The following CDH26 variants were observed in gnomAD, a reference collection of about 807,000 sequenced individuals.
CDH26 encodes the protein cadherin 26.
Under a neutral mutation model 90.3 loss-of-function variants are expected in CDH26, and 83 were observed. The observed-to-expected ratio is 0.92, with a 90% CI of 0.77 to 1.10. The LOEUF is 1.10. Ranked by LOEUF, CDH26 falls within the 50% of genes least tolerant of loss-of-function variation. CDH26 has a pLI of 0.00. For missense variants in CDH26, 1,013 were observed against 1,037.6 expected (o/e 0.98, Z 0.33); for synonymous variants, 397 against 396.3 (o/e 1.00, Z -0.02).
chr20:59,963,963 G>C (rs1450974041), intron 1 of CDH26, among the ~76,000 whole-genome samples: 1 of 152,020 alleles, frequency 6.6e-6, no homozygotes, highest in Admixed American at 6.6e-5. Context: ...AGGACTCGTC[G>C]GCTCTCAGAA....
In CDH26 at chr20:60,001,335, C is replaced by A; in HGVS notation, c.2098-8C>A. ...TCTCTTTTGAGTAAATCAGCATTTT[C>A]CCTCTAGGATCTCGAGGAAGTGCCT... On this transcript the variant is annotated splice_region_variant and splice_polypyrimidine_tract_variant and intron_variant, in intron 14 of 17. Transcript: ENST00000348616. 6.2e-7 allele frequency: 1 copy of A among 1,613,900 alleles called. No homozygotes were observed. Among genetic ancestry groups the A allele is most frequent in the Non-Finnish European group, 8.5e-7 (1 of 1,179,998 alleles).
intron 17 of CDH26, among the ~76,000 whole-genome samples, chr20:60,009,431 C>T (rs995883471): frequency 6.6e-6 from 1 of 152,214 alleles, no homozygotes; most frequent in Non-Finnish European, 1.5e-5. Flanking sequence ...CACATTTGCG[C>T]ACACACACGT....
chr20:59,983,400 A>C (rs2061417596), intron 5 of CDH26, among the ~76,000 whole-genome samples: 1 of 152,248 alleles, frequency 6.6e-6, no homozygotes, highest in African/African-American at 2.4e-5. Context: ...TAAAATGGCA[A>C]CACGATCACA....
chr20:60,017,953 C>T (rs2061919238), downstream of CDH26, among the ~76,000 whole-genome samples: 1 of 151,888 alleles, frequency 6.6e-6, no homozygotes, highest in African/African-American at 2.4e-5. Flanking sequence ...GTTTTATTCT[C>T]TTGTGGTCAG....
rs574279404 is a variant in CDH26, at chr20:59,962,881, G to A, written c.69+4086G>A. Reference sequence around the variant, plus strand: ...TGGAATGAGTAGGTAAGTGTCTTTTGTGGTTAGAGAGCCCCCAGGATGGGC... The same window carrying A: ...TGGAATGAGTAGGTAAGTGTCTTTTATGGTTAGAGAGCCCCCAGGATGGGC... On this transcript the variant is annotated intron_variant, in intron 1 of 17. Coordinates refer to ENST00000348616, the MANE Select transcript of CDH26 (RefSeq NM_177980.4). 2.0e-5 allele frequency among the ~76,000 whole-genome samples: 3 copies of A among 152,292 alleles called. No homozygotes were observed. The South Asian group carries it at 6.2e-4, about 32-fold the overall frequency.
chr20:59,999,820 TC>T (rs1291923676), intron 14 of CDH26, among the ~76,000 whole-genome samples, 157 bp downstream of exon 14: 1 of 152,208 alleles, frequency 6.6e-6, no homozygotes, highest in East Asian at 1.9e-4. Flanking sequence ...GCCCCATGGT[TC>T]CCTTAGCCTA....
At chr20:59,967,719 CTCTT>C (rs144930327) in intron 1 of CDH26, among the ~76,000 whole-genome samples, 8,853 of 150,136 alleles carry the variant, frequency 0.059, 710 homozygotes, top group African/African-American at 0.18. Flanking sequence ...ACCATTCTCT[CTCTT>C]TCTTTCTTTC....
intron 8 of CDH26, among the ~76,000 whole-genome samples, chr20:60,032,921 C>G (rs765774997): frequency 1.3e-5 from 2 of 151,290 alleles, no homozygotes; most frequent in African/African-American, 2.4e-5. Context: ...GTGGGTGCAG[C>G]GCACCAGCAT....
intron 16 of CDH26, among the ~76,000 whole-genome samples, 192 bp from the exon 17 acceptor site, chr20:60,006,521 G>C (rs962342434): frequency 2.0e-5 from 3 of 152,172 alleles, no homozygotes; most frequent in Admixed American, 2.0e-4. Context: ...AGCCATGAGA[G>C]CTTGCAGGGC....
intron 17 of CDH26, among the ~76,000 whole-genome samples, chr20:60,010,122 G>A (rs1420398039): frequency 1.3e-5 from 2 of 151,950 alleles, no homozygotes; most frequent in African/African-American, 2.4e-5. Flanking sequence ...ACTAAACAAG[G>A]GCCCAGGCAG....
chr20:60,023,437 G>C (rs1268175257), intron 7 of CDH26, among the ~76,000 whole-genome samples: 2 of 152,194 alleles, frequency 1.3e-5, no homozygotes, highest in Non-Finnish European at 1.5e-5. Flanking sequence ...TTGTGAGCTA[G>C]AGAGCCAGTG....
At chr20:59,977,907 G>A (rs2061345915) in intron 4 of CDH26, among the ~76,000 whole-genome samples, 1 of 152,050 alleles carries the variant, frequency 6.6e-6, no homozygotes, top group African/African-American at 2.4e-5. Flanking sequence ...AACTCTCTGG[G>A]CTCTGCCCAT....
chr20:59,986,347 G>T (rs1299146696), intron 7 of CDH26, among the ~76,000 whole-genome samples: 3 of 152,208 alleles, frequency 2.0e-5, no homozygotes, highest in Non-Finnish European at 4.4e-5. Flanking sequence ...GATGGTTTGG[G>T]ATGGGTGCCC....
chr20:59,996,673 C>A lies in CDH26; in HGVS notation c.1931C>A (p.Pro644His), dbSNP rs754724716. The A allele has an allele frequency of 1.2e-6, 2 of 1,614,062 alleles. No homozygotes were observed. The highest frequency in any genetic ancestry group is 1.7e-6 in the Non-Finnish European group (2 of 1,180,054). The change falls in exon 13 of 18, where the codon CCT becomes CAT. Residue 644 changes from proline to histidine, a missense_variant. Coordinates refer to ENST00000348616, the MANE Select transcript of CDH26 (RefSeq NM_177980.4). ...TTGCGATGCTATTTTGTGCTTGAAC[C>A]TAAGAGGCATGGATGCTCTGTATCC... ...FLLRCYFVLE[P>H]KRHGCSVSND...
At chr20:60,023,638 T>C (rs757421393) in intron 7 of CDH26, among the ~76,000 whole-genome samples, 6 of 152,102 alleles carry the variant, frequency 3.9e-5, no homozygotes, top group Admixed American at 2.0e-4. Flanking sequence ...GGACTTTGGC[T>C]ACTGCTGGCC....
chr20:60,012,674 G>A lies in CDH26; in HGVS notation c.2443G>A (p.Gly815Ser), dbSNP rs145571458. ...GCAACCTGATTTGCTGGACTCTTTG[G>A]GTTCAAAAGCGACTCCGTTTGAGGA... ...ELQPDLLDSL[G>S]SKATPFEEIY... Residue 815 changes from glycine (G) to serine (S), a missense_variant, in exon 18 of 18, where the codon GGT becomes AGT. Coordinates refer to ENST00000348616, the MANE Select transcript of CDH26 (RefSeq NM_177980.4). 637 of 1,613,836 alleles carry A rather than the reference G, an allele frequency of 3.9e-4. No individual in the cohort carries two copies. The highest frequency in any genetic ancestry group is 5.2e-4 in the Non-Finnish European group (608 of 1,179,994).
chr20:59,988,827 A>G (rs2061489213), intron 8 of CDH26, 77 bp from the exon 9 acceptor site: 3 of 1,531,492 alleles, frequency 2.0e-6, no homozygotes, highest in Non-Finnish European at 2.7e-6. Context: ...CTGAGTTTGC[A>G]ATGATGACTC....
chr20:59,994,584 A>C, intron 11 of CDH26, 95 bp downstream of exon 11: 2 of 1,478,748 alleles, frequency 1.4e-6, no homozygotes, highest in Non-Finnish European at 1.8e-6. Context: ...TAGCTTAAAA[A>C]ACCGGAGAGG....
In CDH26 at chr20:59,994,405, G is replaced by A; in HGVS notation, c.1582G>A (p.Glu528Lys). The A allele has an allele frequency of 6.2e-7, 1 of 1,614,170 alleles. No homozygotes were observed. Among genetic ancestry groups the A allele is most frequent in the Non-Finnish European group, 8.5e-7 (1 of 1,180,026 alleles). ...CATCGAGGCAGAGGATCCGGACCTG[G>A]AGCCGTTCTCTGACCCATTTACATT... ...LHIEAEDPDL[E>K]PFSDPFTFEL... Residue 528 changes from glutamate to lysine, a missense_variant, in exon 11 of 18, where the codon GAG becomes AAG. By Grantham distance (56) the Glu-to-Lys change is moderately conservative. Transcript: ENST00000348616.
Sources: gnomAD v4.1 joint callset for allele counts (sites outside exome capture counted in the v4.1 genomes callset) on GRCh38, gnomAD v4.1.1 for gene constraint, MANE v1.5 for transcripts, NCBI Gene and HGNC (gene_info 2026-07-23, HGNC 2026-07-21) for gene names.